Variants in LYVE1 observed in about 807,000 individuals in gnomAD.
The protein encoded by LYVE1 is lymphatic vessel endothelial hyaluronan receptor 1.
In LYVE1, 29 loss-of-function variants were observed where a neutral mutation model predicts 31.5. The ratio of observed to expected loss-of-function variants is 0.92; its 90% CI spans 0.69 to 1.26. The LOEUF (loss-of-function observed/expected upper bound fraction) is 1.26. LYVE1 is among the 50% of genes most tolerant of loss of function. LYVE1 has a pLI of 0.00. For synonymous variants in LYVE1, 134 were observed against 139.4 expected, an observed-to-expected ratio of 0.96 and a Z score of 0.27; for missense variants, 376 against 380.2, an observed-to-expected ratio of 0.99 and a Z score of 0.09.
chr11:10,559,337 C>CTTT, intron 5 of LYVE1, 40 bp from the exon 6 acceptor site: 1 of 1,546,532 alleles, frequency 6.5e-7, no homozygotes, highest in Non-Finnish European at 8.9e-7. Flanking sequence ...GAGACTCTCA[C>CTTT]ACATAACGAT....
At chr11:10,560,340 G>A (rs1591513059) in intron 4 of LYVE1, among the ~76,000 whole-genome samples, 155 bp downstream of exon 4, 1 of 152,156 alleles carries the variant, frequency 6.6e-6, no homozygotes, top group Non-Finnish European at 1.5e-5. Flanking sequence ...ACAGCTCTCA[G>A]ATTCTATGAC....
chr11:10,560,347 T>C (rs938018461), intron 4 of LYVE1, 148 bp downstream of exon 4: 1 of 663,606 alleles, frequency 1.5e-6, no homozygotes, highest in African/African-American at 1.8e-5. Context: ...TCAGATTCTA[T>C]GACTTCATGA....
chr11:10,557,569 G>C lies in LYVE1; in HGVS notation c.*1542C>G, dbSNP rs888977036. The stretch of plus-strand genomic sequence containing the variant: ...AACTAGAGAAGCAGGGCGGTCAAAA[G>C]TGAGACGAATGAGCCATCCTGGATC... On this transcript the variant is annotated 3_prime_UTR_variant, in exon 6 of 6. Coordinates refer to ENST00000256178, the MANE Select transcript of LYVE1 (RefSeq NM_006691.4). 1 of 152,148 alleles carries C rather than the reference G, an allele frequency of 6.6e-6. No homozygotes were observed. The highest frequency in any genetic ancestry group is 1.5e-5 in the Non-Finnish European group (1 of 68,054). 9.4% of individuals were successfully genotyped at this position (152,148 alleles called of 1,614,324 possible). A position where few individuals can be genotyped will look rare whatever the true frequency, so the allele number is the denominator to read the frequency against.
intron 3 of LYVE1, 42 bp downstream of exon 3, chr11:10,563,898 A>G: frequency 6.2e-7 from 1 of 1,613,118 alleles, no homozygotes; most frequent in African/African-American, 1.3e-5. Flanking sequence ...AGTGAGAGAT[A>G]CCCAGAGAAT....
intron 1 of LYVE1, 51 bp downstream of exon 1, chr11:10,568,397 G>A: frequency 1.3e-6 from 2 of 1,586,632 alleles, no homozygotes; most frequent in Middle Eastern, 1.7e-4. Context: ...CAGCTTAGGA[G>A]GCTTAGGACT....
chr11:10,568,308 T>C (rs1013694584), intron 1 of LYVE1, 140 bp downstream of exon 1: 1 of 588,248 alleles, frequency 1.7e-6, no homozygotes, highest in Admixed American at 3.4e-5. Flanking sequence ...TGGTGGTACA[T>C]TTTTGGCAGA....
At chr11:10,566,465 A>G (rs1477741659) in intron 1 of LYVE1, among the ~76,000 whole-genome samples, 2 of 152,162 alleles carry the variant, frequency 1.3e-5, no homozygotes, top group Non-Finnish European at 1.5e-5. Context: ...CTATAAGGAA[A>G]TGAACACACA....
chr11:10,557,154 G>A lies in LYVE1; in HGVS notation c.*1957C>T, dbSNP rs1850333531. On this transcript the variant is annotated 3_prime_UTR_variant, in exon 6 of 6. Coordinates refer to ENST00000256178, the MANE Select transcript of LYVE1 (RefSeq NM_006691.4). ...GGCTGGGTGTGAAGAAAAGGCCACA[G>A]TGTTACAAAGTTCATAGGAAAGGGC... The A allele has an allele frequency of 6.6e-6, 1 of 152,178 alleles. No individual in the cohort carries two copies. Among genetic ancestry groups the A allele is most frequent in the Admixed American group, 6.5e-5 (1 of 15,276 alleles). The allele number at this position is 152,178 out of a possible 1,614,324, so 9.4% of individuals were successfully genotyped here.
chr11:10,563,989 C>A lies in LYVE1; in HGVS notation c.348G>T (p.Trp116Cys). 1 of 1,614,206 alleles carries A rather than the reference C, an allele frequency of 6.2e-7. No homozygotes were observed. Residue 116 changes from tryptophan (W) to cysteine (C), a missense_variant, in exon 3 of 6, where the codon TGG becomes TGT. Transcript: ENST00000256178. ...CGKNGVGVLI[W>C]KVPVSRQFAA... The stretch of plus-strand genomic sequence containing the variant: ...CAAACTGTCGGCTCACTGGAACCTT[C>A]CAAATCAGGACACCCACCCCATTTT...
intron 1 of LYVE1, among the ~76,000 whole-genome samples, chr11:10,565,814 CTT>C (rs748679045): frequency 2.1e-5 from 3 of 143,320 alleles, no homozygotes; most frequent in Admixed American, 7.0e-5. Context: ...AACCCCAGTT[CTT>C]TTTTTTTTTT....
rs367798406 is a variant in LYVE1 at position 10,559,813 on chromosome 11, T to C, written c.782+3A>G. ...AAGACTAGCAGTGCACCAACAACCC[T>C]ACCTTTTGACATAGCAAAATCCAAG... On this transcript the variant is annotated splice_donor_region_variant and intron_variant, in intron 5 of 5. Coordinates refer to ENST00000256178, the MANE Select transcript of LYVE1 (RefSeq NM_006691.4). 13 of 1,613,542 alleles carry C rather than the reference T, an allele frequency of 8.1e-6. No individual in the cohort carries two copies. Among genetic ancestry groups the C allele is most frequent in the Admixed American group, 1.7e-5 (1 of 59,996 alleles).
chr11:10,568,447 C>T lies in LYVE1; in HGVS notation c.85+1G>A. 6.2e-7 allele frequency: 1 copy of T among 1,613,770 alleles called. No homozygotes were observed. On this transcript the variant is annotated splice_donor_variant, in intron 1 of 5. Coordinates refer to ENST00000256178, the MANE Select transcript of LYVE1 (RefSeq NM_006691.4). LOFTEE classifies it high-confidence loss of function. ...GTTTGGAAATCTGGTGAGAAACCTA[C>T]CTTCTGCACGCAAAGAGCCTTGGAC...
Position 10,558,847 on chromosome 11 carries a change from T to G in LYVE1, c.*264A>C. ...GCAAAACTCCTTTCTCCCAGTGGGA[T>G]ATTATTAGGACATAGCCAGGCTAGA... On this transcript the variant is annotated 3_prime_UTR_variant, in exon 6 of 6. Transcript: ENST00000256178. 4 of 388,854 alleles carry G rather than the reference T, an allele frequency of 1.0e-5. No homozygotes were observed. Among genetic ancestry groups the G allele is most frequent in the Non-Finnish European group, 9.1e-6 (2 of 219,118 alleles). 24.1% of individuals were successfully genotyped at this position (388,854 alleles called of 1,614,324 possible). A position where few individuals can be genotyped will look rare whatever the true frequency, so the allele number is the denominator to read the frequency against.
intron 3 of LYVE1, among the ~76,000 whole-genome samples, chr11:10,562,290 C>G (rs983415429): frequency 6.6e-6 from 1 of 152,226 alleles, no homozygotes; most frequent in Non-Finnish European, 1.5e-5. Flanking sequence ...TTAGGAGAAG[C>G]CCTATGTTTC....
At chr11:10,562,353 T>C (rs1242756142) in intron 3 of LYVE1, among the ~76,000 whole-genome samples, 1 of 152,234 alleles carries the variant, frequency 6.6e-6, no homozygotes, top group Non-Finnish European at 1.5e-5. Context: ...GCTAAGCCCG[T>C]GTTCTGAACT....
chr11:10,560,809 A>G lies in LYVE1; in HGVS notation c.398-9T>C. 3.1e-6 allele frequency: 5 copies of G among 1,594,882 alleles called. No homozygotes were observed. The highest frequency in any genetic ancestry group is 4.3e-6 in the Non-Finnish European group (5 of 1,166,822). ...CGAGTTAGTCCAAGTATCTGTTGGG[A>G]TAGGGAAACATGGAATAAAAGTATT... On this transcript the variant is annotated splice_polypyrimidine_tract_variant and intron_variant, in intron 3 of 5. Coordinates refer to ENST00000256178, the MANE Select transcript of LYVE1 (RefSeq NM_006691.4).
At chr11:10,566,588 TG>T (rs1305221086) in intron 1 of LYVE1, among the ~76,000 whole-genome samples, 1 of 152,166 alleles carries the variant, frequency 6.6e-6, no homozygotes, top group Non-Finnish European at 1.5e-5. Flanking sequence ...GCTACTTCTT[TG>T]GGAATGGATT....
rs1850400612 is a variant in LYVE1 at position 10,560,528 on chromosome 11, C to T, written c.670G>A (p.Ala224Thr). ...TETEPFVENK[A>T]AFKNEAAGFG... ...CCAGCAGCTTCATTCTTGAATGCTG[C>T]TTTATTTTCAACAAATGGTTCAGTT... Residue 224 changes from alanine (A) to threonine (T), a missense_variant, in exon 4 of 6, where the codon GCA becomes ACA. Physicochemically the swap from Ala to Thr is moderately conservative, Grantham distance 58 (BLOSUM62 0). Coordinates refer to ENST00000256178, the MANE Select transcript of LYVE1 (RefSeq NM_006691.4). 3 of 1,611,952 alleles carry T rather than the reference C, an allele frequency of 1.9e-6. No homozygotes were observed. The highest frequency in any genetic ancestry group is 1.7e-5 in the Admixed American group (1 of 59,762).
rs779868511 is a variant in LYVE1 at position 10,559,828 on chromosome 11, C to A, written c.770G>T (p.Cys257Phe). 1 of 1,613,890 alleles carries A rather than the reference C, an allele frequency of 6.2e-7. No homozygotes were observed. Among genetic ancestry groups the A allele is most frequent in the Admixed American group, 1.7e-5 (1 of 60,010 alleles). Residue 257 changes from cysteine to phenylalanine, a missense_variant, in exon 5 of 6, where the codon TGC (cysteine) becomes TTC (phenylalanine). Physicochemically the swap from Cys to Phe is radical, Grantham distance 205. Transcript: ENST00000256178. ...CCAACAACCCTACCTTTTGACATAG[C>A]AAAATCCAAGACCAGCTGCAGCACC... ...FFGAAAGLGF[C>F]YVKRYVKAFP...
Sources: gnomAD v4.1 joint callset for allele counts (sites outside exome capture counted in the v4.1 genomes callset) on GRCh38, gnomAD v4.1.1 for gene constraint, MANE v1.5 for transcripts, NCBI Gene and HGNC (gene_info 2026-07-23, HGNC 2026-07-21) for gene names.